The following MRPS25 variants were observed in gnomAD, a reference collection of about 807,000 sequenced individuals.
MRPS25 encodes mitochondrial ribosomal protein S25, also known as small ribosomal subunit protein mS25.
Under a neutral mutation model 17.3 loss-of-function variants are expected in MRPS25, and 15 were observed. That is an observed-to-expected ratio of 0.87 (90% confidence interval 0.58 to 1.34). The LOEUF is 1.34. Ranked by LOEUF, MRPS25 falls within the 40% of genes most tolerant of loss-of-function variation. The probability of loss-of-function intolerance (pLI) is 0.00; values close to 1 mark genes in which losing one functional copy is unlikely to be tolerated. For synonymous variants in MRPS25, 94 were observed against 83.3 expected (o/e 1.13, Z -0.70); for missense variants, 225 against 218.6 (o/e 1.03, Z -0.19).
rs1416427921 is a variant in MRPS25 at position 15,051,786 on chromosome 3, T to C, written c.*655A>G. ...GCTAATGCACACAGTGGCTGGGCCA[T>C]GGGTTGGCAGTGGCTGACTGGTCAG... On this transcript the variant is annotated 3_prime_UTR_variant, in exon 4 of 4. Transcript: ENST00000253686. The C allele has an allele frequency of 7.1e-6, 7 of 985,288 alleles. No individual in the cohort carries two copies. Among genetic ancestry groups the C allele is most frequent in the East Asian group, 1.1e-4 (1 of 8,814 alleles). The allele number at this position is 985,288 out of a possible 1,614,324, so 61.0% of individuals were successfully genotyped here.
downstream of MRPS25, chr3:15,046,384 C>T (rs1307980067): frequency 6.6e-6 from 1 of 152,212 alleles, no homozygotes; most frequent in East Asian, 1.9e-4. Flanking sequence ...AAGGCAATAT[C>T]CACGCTACAC....
chr3:15,052,951 G>A (rs2042624609), intron 3 of MRPS25, among the ~76,000 whole-genome samples: 1 of 152,166 alleles, frequency 6.6e-6, no homozygotes, highest in Non-Finnish European at 1.5e-5. Flanking sequence ...GCCTCTGTGT[G>A]GTTTCTCAAA....
At chr3:15,042,940 A>G, downstream of MRPS25, 1 of 1,614,236 alleles carries the variant, frequency 6.2e-7, no homozygotes, top group Non-Finnish European at 8.5e-7. Context: ...GATAGACAGC[A>G]TAATCCCCTA....
rs1002185525 is a variant in MRPS25 at position 15,051,062 on chromosome 3, A to G, written c.*1379T>C. ...AAACTTCAGTCCTGCTCTGTCAAGC[A>G]CCACTGTCCTTTTTTAATTCTTTTA... On this transcript the variant is annotated 3_prime_UTR_variant, in exon 4 of 4. Coordinates refer to ENST00000253686, the MANE Select transcript of MRPS25 (RefSeq NM_022497.5). The G allele has an allele frequency of 1.0e-4, 98 of 984,420 alleles. 5 individuals are homozygous for G. In the South Asian group the frequency reaches 2.2e-3, roughly 22 times the overall value. The allele number at this position is 984,420 out of a possible 1,614,324, so 61.0% of individuals were successfully genotyped here.
intron 2 of MRPS25, among the ~76,000 whole-genome samples, chr3:15,054,688 T>C (rs747547896): frequency 9.2e-5 from 14 of 151,718 alleles, no homozygotes; most frequent in Non-Finnish European, 1.6e-4. Flanking sequence ...ACATAATCCA[T>C]AAAAGAAAAA....
chr3:15,046,039 C>T (rs1345807573), downstream of MRPS25: 1 of 152,312 alleles, frequency 6.6e-6, no homozygotes, highest in Non-Finnish European at 1.5e-5. Context: ...TTTTGAAAGA[C>T]CAAATTAGTT....
chr3:15,044,156 C>A (rs537351635), downstream of MRPS25: 7 of 152,348 alleles, frequency 4.6e-5, no homozygotes, highest in African/African-American at 1.7e-4. Flanking sequence ...CCTGCTGCCG[C>A]CTGGCGAGAG....
downstream of MRPS25, chr3:15,044,413 C>T (rs2042379600): frequency 1.3e-5 from 2 of 152,078 alleles, no homozygotes; most frequent in African/African-American, 2.4e-5. Flanking sequence ...TAGTCTTTCT[C>T]CTCATAAATT....
chr3:15,042,910 G>A, downstream of MRPS25: 5 of 1,613,950 alleles, frequency 3.1e-6, no homozygotes, highest in Non-Finnish European at 4.2e-6. Flanking sequence ...TTTTTTTACT[G>A]GTCTCATTGG....
intron 1 of MRPS25, 112 bp downstream of exon 1, chr3:15,064,949 G>A (rs1375912420): frequency 2.2e-6 from 3 of 1,377,058 alleles, no homozygotes; most frequent in Non-Finnish European, 2.9e-6. Context: ...CGACCTGGGG[G>A]GCCCGCCCCG....
intron 2 of MRPS25, among the ~76,000 whole-genome samples, chr3:15,059,019 A>ATT (rs55962904): frequency 0.06 from 8,461 of 139,864 alleles, 351 homozygotes; most frequent in Middle Eastern, 0.11. Context: ...GCCCTGAAGA[A>ATT]TTTTTTTTTT....
Position 15,049,635 on chromosome 3 carries a change from A to C in MRPS25, c.*2806T>G. Reference sequence around the variant, plus strand: ...AAATTGGCAAGCTTATTCTCTAAGGATACGTGCTATCAAGGGCAAAAACAA... The same window carrying C: ...AAATTGGCAAGCTTATTCTCTAAGGCTACGTGCTATCAAGGGCAAAAACAA... On this transcript the variant is annotated 3_prime_UTR_variant, in exon 4 of 4. Transcript: ENST00000253686. 1.9e-6 allele frequency: 1 copy of C among 520,770 alleles called. No individual in the cohort carries two copies. The highest frequency in any genetic ancestry group is 2.7e-5 in the South Asian group (1 of 37,604). 32.3% of individuals were successfully genotyped at this position (520,770 alleles called of 1,614,324 possible). A position where few individuals can be genotyped will look rare whatever the true frequency, so the allele number is the denominator to read the frequency against.
Position 15,051,843 on chromosome 3 carries a change from A to G in MRPS25, c.*598T>C. The G allele has an allele frequency of 1.0e-6, 1 of 985,454 alleles. No homozygotes were observed. Among genetic ancestry groups the G allele is most frequent in the Non-Finnish European group, 1.2e-6 (1 of 829,984 alleles). The allele number at this position is 985,454 out of a possible 1,614,324, so 61.0% of individuals were successfully genotyped here. A position where few individuals can be genotyped will look rare whatever the true frequency, so the allele number is the denominator to read the frequency against. ...CGTGCCTGAGTGAGGCTGGCCTGTCAGCCACTGGGGCTCCTCCATCTCTGG... is the reference window on the plus strand; with the variant it reads ...CGTGCCTGAGTGAGGCTGGCCTGTCGGCCACTGGGGCTCCTCCATCTCTGG... On this transcript the variant is annotated 3_prime_UTR_variant, in exon 4 of 4. Transcript: ENST00000253686.
downstream of MRPS25, chr3:15,044,334 C>A (rs961504612): frequency 6.6e-6 from 1 of 152,180 alleles, no homozygotes; most frequent in African/African-American, 2.4e-5. Flanking sequence ...GTGTGCCAGC[C>A]GACCACCCCG....
In MRPS25 at chr3:15,056,458, C is replaced by T. The variant is rs140991647; in HGVS notation, c.241+2911G>A. ...CTGCAGATGTGATTCGAGTTAAGGG[C>T]CTTGAGTTGGGGAGAGGATCCTGGA... is the stretch of plus-strand genomic sequence containing the variant. On this transcript the variant is annotated intron_variant, in intron 2 of 3. Transcript: ENST00000253686. 6.6e-5 allele frequency among the ~76,000 whole-genome samples: 10 copies of T among 152,284 alleles called. No individual in the cohort carries two copies. The East Asian group carries it at 1.9e-3, about 29-fold the overall frequency.
rs55962904 is a variant in MRPS25 at position 15,059,019 on chromosome 3, ATTTT to A, written c.241+346_241+349del. ...TGGTGCCCATACTGAGCCCTGAAGA[ATTTT>A]TTTTTTTTTTTTTTCAGTTAAATAA... On this transcript the variant is annotated intron_variant, in intron 2 of 3. Coordinates refer to ENST00000253686, the MANE Select transcript of MRPS25 (RefSeq NM_022497.5). 4.3e-5 allele frequency among the ~76,000 whole-genome samples: 6 copies of A among 139,942 alleles called. No homozygotes were observed. The South Asian group carries it at 1.4e-3, about 33-fold the overall frequency. The allele number at this position is 139,942 out of a possible 152,430, so 91.8% of individuals were successfully genotyped here. A position where few individuals can be genotyped will look rare whatever the true frequency, so the allele number is the denominator to read the frequency against.
rs2042578925 is a variant in MRPS25, at chr3:15,049,958, A to C, written c.*2483T>G. 4 of 1,525,604 alleles carry C rather than the reference A, an allele frequency of 2.6e-6. No homozygotes were observed. Among genetic ancestry groups the C allele is most frequent in the Non-Finnish European group, 3.5e-6 (4 of 1,143,436 alleles). The allele number at this position is 1,525,604 out of a possible 1,614,324, so 94.5% of individuals were successfully genotyped here. ...TGCCTCAAAGAGAAGAAAAGTGGTCACTTCAGAATAAGGCTGTGAACACTG... is the reference window on the plus strand; with the variant it reads ...TGCCTCAAAGAGAAGAAAAGTGGTCCCTTCAGAATAAGGCTGTGAACACTG... On this transcript the variant is annotated 3_prime_UTR_variant, in exon 4 of 4. Coordinates refer to ENST00000253686, the MANE Select transcript of MRPS25 (RefSeq NM_022497.5).
At chr3:15,046,394 C>T (rs889625256), downstream of MRPS25, 4 of 152,246 alleles carry the variant, frequency 2.6e-5, no homozygotes, top group African/African-American at 7.2e-5. Context: ...CCACGCTACA[C>T]ACATACTTAT....
Position 15,051,561 on chromosome 3 carries a change from A to G in MRPS25, c.*880T>C, listed in dbSNP as rs1473328782. 2 of 985,312 alleles carry G rather than the reference A, an allele frequency of 2.0e-6. No individual in the cohort carries two copies. Among genetic ancestry groups the G allele is most frequent in the African/African-American group, 3.5e-5 (2 of 57,226 alleles). 61.0% of individuals were successfully genotyped at this position (985,312 alleles called of 1,614,324 possible). A position where few individuals can be genotyped will look rare whatever the true frequency, so the allele number is the denominator to read the frequency against. The stretch of plus-strand genomic sequence containing the variant: ...CTGAAACCTCCACTTTAGCATAACT[A>G]AAGTGACAGTAACATCAGTGTCCTA... On this transcript the variant is annotated 3_prime_UTR_variant, in exon 4 of 4. Transcript: ENST00000253686.
Sources: allele counts gnomAD v4.1 joint callset (sites outside exome capture counted in the v4.1 genomes callset), GRCh38; gene constraint gnomAD v4.1.1; transcripts MANE v1.5; gene names NCBI Gene and HGNC (gene_info 2026-07-23, HGNC 2026-07-21).